Variants in FKBP7 observed in about 807,000 individuals in gnomAD.
FKBP7 encodes the protein peptidyl-prolyl cis-trans isomerase FKBP7.
A neutral mutation model predicts 24.3 loss-of-function variants in FKBP7; 24 were observed. The observed-to-expected ratio is 0.99, with a 90% confidence interval of 0.72 to 1.39. The LOEUF is 1.39. Among genes scored for constraint, FKBP7 ranks in the 40% most tolerant of loss-of-function variants. The pLI is 0.00. For synonymous variants in FKBP7, 98 were observed against 92.8 expected, an observed-to-expected ratio of 1.06 and a Z score of -0.32; for missense variants, 257 against 269.5, an observed-to-expected ratio of 0.95 and a Z score of 0.33.
chr2:178,473,715 T>C (rs1004121921), intron 2 of FKBP7, among the ~76,000 whole-genome samples: 3 of 152,190 alleles, frequency 2.0e-5, no homozygotes, highest in African/African-American at 7.2e-5. Context: ...AAGGAAAACT[T>C]TGAAAATGAG....
intron 3 of FKBP7, among the ~76,000 whole-genome samples, chr2:178,468,052 A>G (rs1684727188): frequency 6.6e-6 from 1 of 152,206 alleles, no homozygotes; most frequent in Admixed American, 6.5e-5. Context: ...CATTACTAAT[A>G]TCCTGGTGTA....
At chr2:178,472,556 C>A (rs907911553) in intron 2 of FKBP7, among the ~76,000 whole-genome samples, 1 of 151,656 alleles carries the variant, frequency 6.6e-6, no homozygotes, top group Non-Finnish European at 1.5e-5. Context: ...CTCACTGTAA[C>A]CTCTGCCTCC....
rs1450571508 is a variant in FKBP7, at chr2:178,464,118, CT to C, written c.*1651del. ...CATGGTTGTGTTACCCCTATGTATA[CT>C]TTTGTTTGTTTTTGTATGTACTCAT... is the stretch of plus-strand genomic sequence containing the variant. On this transcript the variant is annotated 3_prime_UTR_variant, in exon 4 of 4. Transcript: ENST00000424785. The C allele has an allele frequency of 6.6e-6, 1 of 151,876 alleles. No homozygotes were observed. Among genetic ancestry groups the C allele is most frequent in the African/African-American group, 2.4e-5 (1 of 41,232 alleles). 9.4% of individuals were successfully genotyped at this position (151,876 alleles called of 1,614,324 possible).
rs180952016 is a variant in FKBP7 at position 178,473,457 on chromosome 2, A to G, written c.373+3605T>C. Among the ~76,000 whole-genome samples the G allele has an allele frequency of 1.5e-3, 221 of 152,364 alleles. 5 individuals carry two copies. The South Asian group carries it at 0.022, about 15-fold the overall frequency. ...CCAATTGAATATGAACTTGTTTCAC[A>G]TCAAACTTCTATATCTCTGCAGCAA... On this transcript the variant is annotated intron_variant, in intron 2 of 3. Coordinates refer to ENST00000424785, the MANE Select transcript of FKBP7 (RefSeq NM_181342.3).
At chr2:178,469,853 C>T in intron 2 of FKBP7, 68 bp from the exon 3 acceptor site, 1 of 1,253,970 alleles carries the variant, frequency 8.0e-7, no homozygotes, top group Non-Finnish European at 1.1e-6. Context: ...TCATGAACTG[C>T]CATAACCATA....
chr2:178,469,595 T>C lies in FKBP7; in HGVS notation c.507+57A>G, dbSNP rs547985089. 5.1e-6 allele frequency: 8 copies of C among 1,568,578 alleles called. No homozygotes were observed. The East Asian group carries it at 6.7e-5, about 13-fold the overall frequency. ...TAAAAAGTAATAGTTGTAACACAGA[T>C]GTATTTAAACTGTGATAAAAAAATT... On this transcript the variant is annotated intron_variant, in intron 3 of 3. Coordinates refer to ENST00000424785, the MANE Select transcript of FKBP7 (RefSeq NM_181342.3).
chr2:178,478,567 G>C lies in FKBP7; in HGVS notation c.-68C>G, dbSNP rs913055087. 3.1e-6 allele frequency: 5 copies of C among 1,592,998 alleles called. No homozygotes were observed. Among genetic ancestry groups the C allele is most frequent in the Middle Eastern group, 1.7e-4 (1 of 5,948 alleles). Reference sequence around the variant, plus strand: ...CGCCCCGTGGATGTCCCGCGGCCGAGTTCCGACGCGTGGCAGGCGTTGTCC... The same window carrying C: ...CGCCCCGTGGATGTCCCGCGGCCGACTTCCGACGCGTGGCAGGCGTTGTCC... On this transcript the variant is annotated 5_prime_UTR_variant, in exon 1 of 4. Coordinates refer to ENST00000424785, the MANE Select transcript of FKBP7 (RefSeq NM_181342.3).
intron 1 of FKBP7, 128 bp from the exon 2 acceptor site, chr2:178,477,341 A>G (rs1685040239): frequency 1.1e-6 from 1 of 898,990 alleles, no homozygotes; most frequent in Non-Finnish European, 1.7e-6. Context: ...TAAAACCCTT[A>G]ATGGGGTGTT....
chr2:178,466,121 C>T (rs1684649101), intron 3 of FKBP7, among the ~76,000 whole-genome samples, 190 bp from the exon 4 acceptor site: 1 of 152,130 alleles, frequency 6.6e-6, no homozygotes, highest in Admixed American at 6.5e-5. Context: ...AGAAACAGGT[C>T]TTCAAATTAG....
At chr2:178,472,052 C>T (rs1166399298) in intron 2 of FKBP7, among the ~76,000 whole-genome samples, 1 of 151,528 alleles carries the variant, frequency 6.6e-6, no homozygotes, top group Admixed American at 6.6e-5. Flanking sequence ...AAACTCAAAA[C>T]ACAAATTCAA....
At chr2:178,477,258 A>T (rs774890369) in intron 1 of FKBP7, 45 bp from the exon 2 acceptor site, 1 of 1,586,716 alleles carries the variant, frequency 6.3e-7, no homozygotes, top group Non-Finnish European at 8.6e-7. Flanking sequence ...TCAAGAAATC[A>T]AACTTGAAAA....
intron 2 of FKBP7, among the ~76,000 whole-genome samples, 172 bp downstream of exon 2, chr2:178,476,890 G>C (rs1221599052): frequency 1.3e-5 from 2 of 151,958 alleles, no homozygotes; most frequent in Non-Finnish European, 2.9e-5. Flanking sequence ...TCTATGTATG[G>C]ACATGTGGCT....
At chr2:178,472,078 GTTT>G (rs1005052995) in intron 2 of FKBP7, among the ~76,000 whole-genome samples, 1 of 135,438 alleles carries the variant, frequency 7.4e-6, no homozygotes. Context: ...TTTTCTTTTC[GTTT>G]TTTTTTTTTT....
chr2:178,474,985 G>T (rs1448670459), intron 2 of FKBP7, among the ~76,000 whole-genome samples: 4 of 152,038 alleles, frequency 2.6e-5, no homozygotes, highest in Non-Finnish European at 4.4e-5. Context: ...CACCATGCCT[G>T]GCCTCCACTT....
rs763108214 is a variant in FKBP7 at position 178,478,525 on chromosome 2, C to G, written c.-26G>C. ...CGGCTCCAGCAGAACACTGCTCTCC[C>G]TCCCGCGTGTCACTCGCGCCCCGTG... On this transcript the variant is annotated 5_prime_UTR_variant, in exon 1 of 4. Coordinates refer to ENST00000424785, the MANE Select transcript of FKBP7 (RefSeq NM_181342.3). 2 of 1,611,462 alleles carry G rather than the reference C, an allele frequency of 1.2e-6. No homozygotes were observed. Among genetic ancestry groups the G allele is most frequent in the South Asian group, 2.2e-5 (2 of 90,862 alleles).
rs941191564 is a variant in FKBP7, at chr2:178,465,003, G to C, written c.*767C>G. 4 of 152,138 alleles carry C rather than the reference G, an allele frequency of 2.6e-5. No homozygotes were observed. Among genetic ancestry groups the C allele is most frequent in the African/African-American group, 7.2e-5 (3 of 41,400 alleles). 9.4% of individuals were successfully genotyped at this position (152,138 alleles called of 1,614,324 possible). A position where few individuals can be genotyped will look rare whatever the true frequency, so the allele number is the denominator to read the frequency against. On this transcript the variant is annotated 3_prime_UTR_variant, in exon 4 of 4. Coordinates refer to ENST00000424785, the MANE Select transcript of FKBP7 (RefSeq NM_181342.3). Reference sequence around the variant, plus strand: ...TCAATTTAAAACTATCAAGACAAAAGCTTGGGGTGGCAGACATCTTATAAA... The same window carrying C: ...TCAATTTAAAACTATCAAGACAAAACCTTGGGGTGGCAGACATCTTATAAA...
In FKBP7 at chr2:178,465,710, T is replaced by C; in HGVS notation, c.*60A>G. The C allele has an allele frequency of 7.1e-7, 1 of 1,413,132 alleles. No individual in the cohort carries two copies. Among genetic ancestry groups the C allele is most frequent in the Non-Finnish European group, 9.3e-7 (1 of 1,073,594 alleles). The allele number at this position is 1,413,132 out of a possible 1,614,324, so 87.5% of individuals were successfully genotyped here. A position where few individuals can be genotyped will look rare whatever the true frequency, so the allele number is the denominator to read the frequency against. On this transcript the variant is annotated 3_prime_UTR_variant, in exon 4 of 4. Transcript: ENST00000424785. ...CAAATACAACTTGGAGAAAAGTGAC[T>C]TTGTTTTATACATAAAGTACAGTAA...
chr2:178,478,179 A>C, intron 1 of FKBP7, 100 bp downstream of exon 1: 1 of 1,381,342 alleles, frequency 7.2e-7, no homozygotes, highest in South Asian at 1.3e-5. Context: ...TACCGTTAAA[A>C]AATAAAACCC....
At chr2:178,467,381 A>C (rs139393748) in intron 3 of FKBP7, among the ~76,000 whole-genome samples, 151 of 152,200 alleles carry the variant, frequency 9.9e-4, no homozygotes, top group Middle Eastern at 6.8e-3. Flanking sequence ...CACTGATGAA[A>C]TAGTTTACTT....
Sources: allele counts gnomAD v4.1 joint callset (sites outside exome capture counted in the v4.1 genomes callset), GRCh38; gene constraint gnomAD v4.1.1; transcripts MANE v1.5; gene names NCBI Gene and HGNC (gene_info 2026-07-23, HGNC 2026-07-21).